ARHGEF10L: variants seen among roughly 807,000 people sequenced by gnomAD.
The protein encoded by ARHGEF10L is Rho guanine nucleotide exchange factor 10 like.
In ARHGEF10L, 69 loss-of-function variants were observed where a neutral mutation model predicts 141.2. The observed-to-expected ratio is 0.49, with a 90% confidence interval of 0.40 to 0.60. ARHGEF10L has a LOEUF of 0.60. ARHGEF10L is among the 20% of genes least tolerant of loss of function. ARHGEF10L has a pLI of 0.00. For missense variants in ARHGEF10L, 1,482 were observed against 1,734.3 expected (o/e 0.85, Z 2.58); for synonymous variants, 711 against 718.5 (o/e 0.99, Z 0.17).
chr1:17,645,050 G>A (rs376938764), intron 21 of ARHGEF10L, among the ~76,000 whole-genome samples: 2 of 152,186 alleles, frequency 1.3e-5, no homozygotes, highest in South Asian at 4.1e-4. Context: ...GGTAGCGGGG[G>A]ATCTGCAACC....
chr1:17,524,803 G>A, the ARHGEF10L span, among the ~76,000 whole-genome samples: 2 of 152,144 alleles, frequency 1.3e-5, no homozygotes, highest in African/African-American at 4.8e-5. Flanking sequence ...ACTCTCCCAG[G>A]GTACTCAGGC....
chr1:17,590,058 C>T (rs1449921694), intron 4 of ARHGEF10L, among the ~76,000 whole-genome samples: 2 of 152,120 alleles, frequency 1.3e-5, no homozygotes, highest in East Asian at 3.9e-4. Flanking sequence ...TTCCTTCAAG[C>T]TACCCTCTTG....
At chr1:17,513,732 C>T in the ARHGEF10L span, among the ~76,000 whole-genome samples, 1 of 152,126 alleles carries the variant, frequency 6.6e-6, no homozygotes, top group African/African-American at 2.4e-5. Flanking sequence ...GAGGGCTGAC[C>T]TTGGGCAGAG....
intron 4 of ARHGEF10L, among the ~76,000 whole-genome samples, chr1:17,588,911 TTGGGGGG>T (rs2079289698): frequency 3.1e-4 from 3 of 9,650 alleles, no homozygotes; most frequent in Admixed American, 1.5e-3. Context: ...GTGGGGGAGG[TTGGGGGG>T]GTTTGAGGGT....
At position 17,594,019 on chromosome 1, in the gene ARHGEF10L, C is replaced by T. The variant is rs78155050; in HGVS notation, c.257+5540C>T. Among the ~76,000 whole-genome samples the T allele has an allele frequency of 1.6e-3, 245 of 150,738 alleles. 1 individual carries two copies. The East Asian group carries it at 0.021, about 13-fold the overall frequency. ...CCGGTATTCCCCTGCCCTTCCCTTG[C>T]GTCTTCCTGTCCTTTCACCCAGCAC... On this transcript the variant is annotated intron_variant, in intron 4 of 28. Transcript: ENST00000361221.
upstream of ARHGEF10L, among the ~76,000 whole-genome samples, chr1:17,534,887 C>T (rs998466437): frequency 3.3e-5 from 5 of 152,176 alleles, no homozygotes; most frequent in African/African-American, 1.2e-4. Flanking sequence ...CCATGCCGGG[C>T]CACTTTCTGT....
chr1:17,516,752 C>A, the ARHGEF10L span, among the ~76,000 whole-genome samples: 464 of 152,284 alleles, frequency 3.0e-3, 3 homozygotes, highest in Middle Eastern at 0.01. Context: ...AACAAGGGAA[C>A]CTGGAATCGC....
Position 17,637,937 on chromosome 1 carries a change from G to A in ARHGEF10L, c.1977G>A (p.Leu659=). The change falls in exon 19 of 29, where the codon CTG becomes CTA. Residue 659 remains leucine (L), a synonymous_variant. Coordinates refer to ENST00000361221, the MANE Select transcript of ARHGEF10L (RefSeq NM_018125.4). ...GCCTCTTCCAGGAGCTGCAGGACCTGCAGAAGGACCTGGCCGTGGTGGAGC... is the reference window on the plus strand; with the variant it reads ...GCCTCTTCCAGGAGCTGCAGGACCTACAGAAGGACCTGGCCGTGGTGGAGC... ...PPRLFQELQD[L]QKDLAVVEQI... 1 of 1,602,780 alleles carries A rather than the reference G, an allele frequency of 6.2e-7. No individual in the cohort carries two copies. Among genetic ancestry groups the A allele is most frequent in the African/African-American group, 1.3e-5 (1 of 74,922 alleles).
chr1:17,581,682 A>C (rs12026569), intron 2 of ARHGEF10L, among the ~76,000 whole-genome samples: 17 of 152,068 alleles, frequency 1.1e-4, no homozygotes, highest in African/African-American at 3.6e-4. Flanking sequence ...ATCAGTAAAC[A>C]TGGGGACAAT....
In ARHGEF10L at chr1:17,551,052, C is replaced by T. The variant is rs547164957; in HGVS notation, c.-44+11102C>T. Among the ~76,000 whole-genome samples, 7 of 151,974 alleles carry T rather than the reference C, an allele frequency of 4.6e-5. 1 individual carries two copies. The highest frequency in any genetic ancestry group is 2.1e-4 in the South Asian group (1 of 4,820). On this transcript the variant is annotated intron_variant, in intron 1 of 28. Transcript: ENST00000361221. The stretch of plus-strand genomic sequence containing the variant: ...CCCAGTGCACCTGCCAGCAGGTGCA[C>T]GACTGTGTAGGGAGTGAGGATTCAC...
the ARHGEF10L span, among the ~76,000 whole-genome samples, chr1:17,533,962 C>T: frequency 6.6e-6 from 1 of 151,890 alleles, no homozygotes; most frequent in Non-Finnish European, 1.5e-5. Flanking sequence ...CTTTCTTCTT[C>T]TTCTTTTTTT....
At chr1:17,563,649 G>T (rs2100222164) in intron 1 of ARHGEF10L, among the ~76,000 whole-genome samples, 1 of 152,252 alleles carries the variant, frequency 6.6e-6, no homozygotes, top group African/African-American at 2.4e-5. Context: ...ATGAATGAAT[G>T]AATATTACCT....
chr1:17,582,322 A>G (rs1443024438), intron 2 of ARHGEF10L, among the ~76,000 whole-genome samples: 4 of 152,124 alleles, frequency 2.6e-5, no homozygotes, highest in Non-Finnish European at 5.9e-5. Context: ...AAAAAAATTT[A>G]TGACTAAGTC....
At chr1:17,640,087 C>G (rs1326937550) in intron 20 of ARHGEF10L, 115 bp from the exon 21 acceptor site, 6 of 1,498,228 alleles carry the variant, frequency 4.0e-6, no homozygotes, top group Non-Finnish European at 5.4e-6. Flanking sequence ...GATGCTCTGA[C>G]CAGACCTCCT....
In ARHGEF10L at chr1:17,639,535, C is replaced by G. The variant is rs1338517118; in HGVS notation, c.2172-667C>G. Reference sequence around the variant, plus strand: ...AATCTGCCGCCTCCCTGTTGAGTGGCCTGTCCGTCTCCCTTCCTCCATCTC... The same window carrying G: ...AATCTGCCGCCTCCCTGTTGAGTGGGCTGTCCGTCTCCCTTCCTCCATCTC... On this transcript the variant is annotated intron_variant, in intron 20 of 28. Transcript: ENST00000361221. This position sits in a 1 kb window ranked among gnomAD's most constrained non-coding sequence, Gnocchi z 4.3. 6.6e-6 allele frequency among the ~76,000 whole-genome samples: 1 copy of G among 152,126 alleles called. No homozygotes were observed. Among genetic ancestry groups the G allele is most frequent in the Non-Finnish European group, 1.5e-5 (1 of 68,022 alleles).
chr1:17,629,107 A>G (rs1470836255), intron 15 of ARHGEF10L, among the ~76,000 whole-genome samples: 1 of 152,048 alleles, frequency 6.6e-6, no homozygotes, highest in Non-Finnish European at 1.5e-5. Context: ...TGCAGCCTTG[A>G]GCTCCTGGGC....
chr1:17,613,199 C>G, intron 8 of ARHGEF10L, 25 bp downstream of exon 8: 2 of 1,570,376 alleles, frequency 1.3e-6, no homozygotes, highest in Non-Finnish European at 1.8e-6. Context: ...TCCCCTCAAG[C>G]CCTGGATGGG....
intron 2 of ARHGEF10L, among the ~76,000 whole-genome samples, chr1:17,584,930 T>C (rs2100595984): frequency 6.6e-6 from 1 of 152,314 alleles, no homozygotes; most frequent in African/African-American, 2.4e-5. Context: ...AAAACCAATA[T>C]TGAAATTATA....
intron 23 of ARHGEF10L, 139 bp from the exon 24 acceptor site, chr1:17,655,740 G>A: frequency 1.3e-6 from 1 of 756,854 alleles, no homozygotes; most frequent in African/African-American, 1.8e-5. Context: ...AATGACCTTT[G>A]TGAAGGCAGG....
Sources: allele counts gnomAD v4.1 joint callset (sites outside exome capture counted in the v4.1 genomes callset), GRCh38; gene constraint gnomAD v4.1.1; non-coding constraint Gnocchi (gnomAD v3.1); transcripts MANE v1.5; gene names NCBI Gene and HGNC (gene_info 2026-07-23, HGNC 2026-07-21).